Variants in RCAN1 observed in about 807,000 individuals in gnomAD.
The protein encoded by RCAN1 is regulator of calcineurin 1.
In RCAN1, 11 loss-of-function variants were observed where a neutral mutation model predicts 22.9. The observed-to-expected ratio is 0.48, with a 90% CI of 0.30 to 0.79. RCAN1 has a LOEUF of 0.79. Among genes scored for constraint, RCAN1 ranks in the 30% least tolerant of loss-of-function variants. RCAN1 has a pLI of 0.06. For missense variants in RCAN1, 291 were observed against 337.8 expected, an observed-to-expected ratio of 0.86 and a Z score of 1.09; for synonymous variants, 136 against 142.3, an observed-to-expected ratio of 0.96 and a Z score of 0.32.
At chr21:34,525,379 C>T (rs748778083) in intron 1 of RCAN1, 3 of 1,454,438 alleles carry the variant, frequency 2.1e-6, no homozygotes, top group Admixed American at 2.5e-5. Context: ...GAGGCACGTG[C>T]GAAGGAACGC....
At chr21:34,556,906 T>C (rs1001777599) in intron 1 of RCAN1, among the ~76,000 whole-genome samples, 3 of 152,104 alleles carry the variant, frequency 2.0e-5, no homozygotes, top group Non-Finnish European at 4.4e-5. Flanking sequence ...TGGGGACACA[T>C]TTATGGTCCT....
chr21:34,595,854 C>G (rs907489271), intron 1 of RCAN1, among the ~76,000 whole-genome samples: 2 of 152,204 alleles, frequency 1.3e-5, no homozygotes, highest in African/African-American at 4.8e-5. Flanking sequence ...GCTGACCACC[C>G]CCCGGCAGGG....
At chr21:34,524,967 A>G (rs758874542) in intron 1 of RCAN1, 353 of 1,446,110 alleles carry the variant, frequency 2.4e-4, no homozygotes, top group Non-Finnish European at 3.1e-4. Context: ...TCTTTTTACC[A>G]GGCAAAAACA....
intron 1 of RCAN1, among the ~76,000 whole-genome samples, chr21:34,593,319 C>T (rs1214513057): frequency 3.9e-5 from 6 of 152,242 alleles, no homozygotes; most frequent in Admixed American, 6.5e-5. Flanking sequence ...CCACAGGTTA[C>T]AGAGTGCCTG....
intron 1 of RCAN1, among the ~76,000 whole-genome samples, chr21:34,593,964 G>A (rs1988061109): frequency 6.6e-6 from 1 of 152,130 alleles, no homozygotes; most frequent in African/African-American, 2.4e-5. Context: ...TGGAGGCGTG[G>A]GGCATGGATT....
intron 1 of RCAN1, among the ~76,000 whole-genome samples, chr21:34,548,569 T>C (rs1023151127): frequency 2.0e-5 from 3 of 152,220 alleles, no homozygotes; most frequent in Non-Finnish European, 4.4e-5. Flanking sequence ...TTTTGAAATA[T>C]AAAACTTTTA....
chr21:34,581,187 T>C (rs921137614), intron 1 of RCAN1, among the ~76,000 whole-genome samples: 16 of 150,952 alleles, frequency 1.1e-4, no homozygotes, highest in Middle Eastern at 3.4e-3. Context: ...ACTTTTTTTT[T>C]TAAGGTCTTA....
intron 1 of RCAN1, among the ~76,000 whole-genome samples, chr21:34,569,472 G>A (rs79127864): frequency 0.062 from 9,415 of 152,166 alleles, 377 homozygotes; most frequent in East Asian, 0.14. Context: ...GATGTTTTAT[G>A]TGTTACCATA....
At chr21:34,531,371 A>C (rs1235621400) in intron 1 of RCAN1, among the ~76,000 whole-genome samples, 1 of 149,750 alleles carries the variant, frequency 6.7e-6, no homozygotes, top group African/African-American at 2.5e-5. Context: ...TCATTTCCCC[A>C]TCTCTCTGGG....
intron 1 of RCAN1, among the ~76,000 whole-genome samples, chr21:34,543,098 G>A (rs1438049532): frequency 6.6e-6 from 1 of 152,234 alleles, no homozygotes; most frequent in African/African-American, 2.4e-5. Context: ...TTGGTGCATA[G>A]GAAGTTTCCA....
Position 34,517,207 on chromosome 21 carries a change from C to G in RCAN1, c.*877G>C, listed in dbSNP as rs1984102984. On this transcript the variant is annotated 3_prime_UTR_variant, in exon 4 of 4. Coordinates refer to ENST00000313806, the MANE Select transcript of RCAN1 (RefSeq NM_004414.7). ...GCTATGATTCATGTATAGAAACCAC[C>G]ACATAAAAGAAACAACAGAAACTGA... is the stretch of plus-strand genomic sequence containing the variant. 1 of 152,194 alleles carries G rather than the reference C, an allele frequency of 6.6e-6. No homozygotes were observed. The highest frequency in any genetic ancestry group is 2.1e-4 in the South Asian group (1 of 4,836). The allele number at this position is 152,194 out of a possible 1,614,324, so 9.4% of individuals were successfully genotyped here. A position where few individuals can be genotyped will look rare whatever the true frequency, so the allele number is the denominator to read the frequency against.
At chr21:34,603,479 G>T (rs765713750) in intron 1 of RCAN1, among the ~76,000 whole-genome samples, 1 of 152,118 alleles carries the variant, frequency 6.6e-6, no homozygotes, top group Admixed American at 6.5e-5. Context: ...AAAACCAGCA[G>T]GCTGCAAGAA....
At chr21:34,609,073 C>G (rs550609931) in intron 1 of RCAN1, among the ~76,000 whole-genome samples, 1 of 152,300 alleles carries the variant, frequency 6.6e-6, no homozygotes, top group African/African-American at 2.4e-5. Flanking sequence ...TTGAAATTTA[C>G]ACAACATGAA....
intron 1 of RCAN1, among the ~76,000 whole-genome samples, chr21:34,580,255 G>A (rs530668889): frequency 6.6e-6 from 1 of 152,328 alleles, no homozygotes; most frequent in African/African-American, 2.4e-5. Flanking sequence ...GGCCTGCACA[G>A]CCTGGTCAGC....
At position 34,599,121 on chromosome 21, in the gene RCAN1, T is replaced by C. The variant is rs141880656; in HGVS notation, c.252+15639A>G. ...TATTAAAACGTAAAGTAACCATACC[T>C]CCTGGCTCAGAAATTCCACTTCTAG... On this transcript the variant is annotated intron_variant, in intron 1 of 3. Transcript: ENST00000313806. Among the ~76,000 whole-genome samples the C allele has an allele frequency of 5.9e-5, 9 of 152,244 alleles. No individual in the cohort carries two copies. In the East Asian group the frequency reaches 1.7e-3, roughly 29 times the overall value.
chr21:34,533,015 C>T (rs1341439211), intron 1 of RCAN1, among the ~76,000 whole-genome samples: 1 of 150,148 alleles, frequency 6.7e-6, no homozygotes, highest in Non-Finnish European at 1.5e-5. Flanking sequence ...GGCTGGAGTG[C>T]AGTGGCACTA....
intron 1 of RCAN1, among the ~76,000 whole-genome samples, chr21:34,555,060 G>T (rs1986506598): frequency 6.6e-6 from 1 of 152,200 alleles, no homozygotes; most frequent in Non-Finnish European, 1.5e-5. Flanking sequence ...CATATCAGAG[G>T]GAATGCAGAG....
intron 1 of RCAN1, among the ~76,000 whole-genome samples, chr21:34,607,180 C>G (rs1324156332): frequency 6.6e-6 from 1 of 152,118 alleles, no homozygotes; most frequent in Non-Finnish European, 1.5e-5. Flanking sequence ...GTTCTTTGTT[C>G]AGAAATATGG....
intron 1 of RCAN1, among the ~76,000 whole-genome samples, chr21:34,562,808 T>C (rs1159722699): frequency 6.6e-6 from 1 of 152,188 alleles, no homozygotes; most frequent in Non-Finnish European, 1.5e-5. Flanking sequence ...TTCAATGAGA[T>C]AGGTGTAAAA....
Sources: allele counts gnomAD v4.1 joint callset (sites outside exome capture counted in the v4.1 genomes callset), GRCh38; gene constraint gnomAD v4.1.1; transcripts MANE v1.5; gene names NCBI Gene and HGNC (gene_info 2026-07-23, HGNC 2026-07-21).